The following SOX6 variants were observed in gnomAD, a reference collection of about 807,000 sequenced individuals.
SOX6 encodes the protein SRY-box transcription factor 6, also known as transcription factor SOX-6.
SOX6 carries 11 observed loss-of-function variants against 97.8 expected under a neutral mutation model. The observed-to-expected ratio is 0.11, with a 90% CI of 0.07 to 0.19. The LOEUF is 0.19. Among genes scored for constraint, SOX6 ranks in the 10% least tolerant of loss-of-function variants. The probability of loss-of-function intolerance (pLI) is 1.00; values close to 1 mark genes in which losing one functional copy is unlikely to be tolerated. For synonymous variants in SOX6, 360 were observed against 371.4 expected (o/e 0.97, Z 0.35); for missense variants, 810 against 1,039.5 (o/e 0.78, Z 3.04).
intron 1 of SOX6, among the ~76,000 whole-genome samples, chr11:16,449,341 G>A (rs567432912): frequency 1.3e-4 from 17 of 131,396 alleles, no homozygotes; most frequent in African/African-American, 4.4e-4. Flanking sequence ...CGCCCAGGCT[G>A]GAGTGCAGTG....
At position 16,495,039 on chromosome 11, in the gene SOX6, G is replaced by C. The variant is rs189165501; in HGVS notation, n.610-18651C>G. On this transcript the variant is annotated intron_variant and non_coding_transcript_variant, in intron 4 of 5. Transcript: ENST00000524520. Reference sequence around the variant, plus strand: ...CAGCCCCTGCATCTCCACATCCCTGGATCCCCATTGACACCCTCCACCTGC... The same window carrying C: ...CAGCCCCTGCATCTCCACATCCCTGCATCCCCATTGACACCCTCCACCTGC... Among the ~76,000 whole-genome samples, 280 of 152,122 alleles carry C rather than the reference G, an allele frequency of 1.8e-3. 1 individual carries two copies. Among genetic ancestry groups the C allele is most frequent in the Non-Finnish European group, 3.1e-3 (209 of 67,984 alleles).
chr11:16,454,994 T>C (rs1859787251), intron 1 of SOX6, among the ~76,000 whole-genome samples: 1 of 152,072 alleles, frequency 6.6e-6, no homozygotes, highest in African/African-American at 2.4e-5. Context: ...TTAGAAATTT[T>C]TACTTACGGG....
At chr11:16,553,085 A>G (rs191040753) in intron 4 of SOX6, among the ~76,000 whole-genome samples, 1 of 152,326 alleles carries the variant, frequency 6.6e-6, no homozygotes, top group Admixed American at 6.5e-5. Flanking sequence ...TTTAAACCCA[A>G]GAATTTATCA....
chr11:16,621,754 A>G (rs1485147799), intron 3 of SOX6, among the ~76,000 whole-genome samples: 1 of 152,188 alleles, frequency 6.6e-6, no homozygotes, highest in Non-Finnish European at 1.5e-5. Context: ...ATTCTAAGTC[A>G]TTCCTATCTC....
intron 3 of SOX6, among the ~76,000 whole-genome samples, chr11:16,651,830 C>T (rs192845516): frequency 6.6e-6 from 1 of 152,232 alleles, no homozygotes; most frequent in East Asian, 1.9e-4. Context: ...GAGGAAGTCA[C>T]ACTGTCACTG....
chr11:16,351,349 A>G (rs1419936546), intron 1 of SOX6, among the ~76,000 whole-genome samples: 1 of 152,052 alleles, frequency 6.6e-6, no homozygotes, highest in African/African-American at 2.4e-5. Context: ...AATGTTTCTT[A>G]TGCTCATCTC....
At chr11:16,204,956 T>TA (rs150449058) in intron 4 of SOX6, among the ~76,000 whole-genome samples, 8,861 of 151,570 alleles carry the variant, frequency 0.058, 651 homozygotes, top group East Asian at 0.37. Context: ...TTCCTCTTTT[T>TA]AAAAAAAAAT....
intron 2 of SOX6, among the ~76,000 whole-genome samples, chr11:16,722,636 G>C (rs1479109942): frequency 6.6e-6 from 1 of 151,776 alleles, no homozygotes; most frequent in Non-Finnish European, 1.5e-5. Context: ...GGGCAACAAA[G>C]TGAAACTCTG....
chr11:16,035,709 A>G (rs80244557), intron 12 of SOX6, among the ~76,000 whole-genome samples: 1,611 of 152,328 alleles, frequency 0.011, 26 homozygotes, highest in African/African-American at 0.037. Context: ...AGGCATGTCT[A>G]GGAAATGTAA....
chr11:16,229,664 G>C lies in SOX6; in HGVS notation c.535+4918C>G, dbSNP rs369443448. Among the ~76,000 whole-genome samples, 88 of 151,900 alleles carry C rather than the reference G, an allele frequency of 5.8e-4. 2 individuals carry two copies. The South Asian group carries it at 0.017, about 30-fold the overall frequency. ...TCAATGAGATTTGAAAATCTCATGA[G>C]ATATACAATTCTGTAAGAGTTTTCT... On this transcript the variant is annotated intron_variant, in intron 4 of 15. Coordinates refer to ENST00000683767, the MANE Select transcript of SOX6 (RefSeq NM_001367873.1).
intron 3 of SOX6, among the ~76,000 whole-genome samples, chr11:16,694,413 T>C (rs1053828482): frequency 2.0e-5 from 3 of 152,008 alleles, no homozygotes; most frequent in Non-Finnish European, 4.4e-5. Flanking sequence ...GCCCCAGCTA[T>C]TCAGGAGGCT....
intron 4 of SOX6, among the ~76,000 whole-genome samples, chr11:16,502,735 C>T (rs2133144634): frequency 6.6e-6 from 1 of 152,048 alleles, no homozygotes; most frequent in South Asian, 2.1e-4. Flanking sequence ...ATAAAGTGAC[C>T]TAATATTCAA....
chr11:16,000,967 C>T (rs1279097156), intron 13 of SOX6, among the ~76,000 whole-genome samples: 1 of 152,112 alleles, frequency 6.6e-6, no homozygotes, highest in African/African-American at 2.4e-5. Context: ...AGCGATTCTC[C>T]TGCCTCAGCC....
intron 9 of SOX6, among the ~76,000 whole-genome samples, chr11:16,086,387 C>A (rs539586832): frequency 5.9e-5 from 9 of 152,170 alleles, no homozygotes; most frequent in Admixed American, 2.0e-4. Flanking sequence ...GTGCACTAAT[C>A]GCTTAAAGAG....
At position 16,637,873 on chromosome 11, in the gene SOX6, G is replaced by GT. The variant is rs1848815365; in HGVS notation, n.430-25614dup. The stretch of plus-strand genomic sequence containing the variant: ...ATAGGCAAGGCCTGGAAGGAAAAAT[G>GT]TTTTTTCCATTCACATTTTTTTGGA... On this transcript the variant is annotated intron_variant and non_coding_transcript_variant, in intron 3 of 5. Transcript: ENST00000524520. 2.0e-5 allele frequency among the ~76,000 whole-genome samples: 3 copies of GT among 149,738 alleles called. 1 individual carries two copies. Among genetic ancestry groups the GT allele is most frequent in the Non-Finnish European group, 4.4e-5 (3 of 67,424 alleles).
At chr11:16,019,457 A>T (rs1290872308) in intron 12 of SOX6, among the ~76,000 whole-genome samples, 3 of 152,110 alleles carry the variant, frequency 2.0e-5, no homozygotes, top group Non-Finnish European at 4.4e-5. Context: ...CATAGCTAAT[A>T]CAGGTAAAAA....
chr11:16,190,278 A>C (rs1266436669), intron 4 of SOX6, among the ~76,000 whole-genome samples: 1 of 152,240 alleles, frequency 6.6e-6, no homozygotes, highest in Non-Finnish European at 1.5e-5. Context: ...TTAAACACTC[A>C]TATAAGGCTG....
At chr11:16,170,508 T>C (rs914133529) in intron 6 of SOX6, among the ~76,000 whole-genome samples, 18 of 152,018 alleles carry the variant, frequency 1.2e-4, no homozygotes, top group African/African-American at 4.1e-4. Context: ...TCCCACATTT[T>C]ATGGTTAATA....
At chr11:16,722,267 A>C (rs1848272937) in intron 2 of SOX6, among the ~76,000 whole-genome samples, 2 of 152,234 alleles carry the variant, frequency 1.3e-5, no homozygotes, top group Admixed American at 1.3e-4. Flanking sequence ...TTTGCAAACT[A>C]TGCATCTGAC....
Sources: allele counts gnomAD v4.1 joint callset (sites outside exome capture counted in the v4.1 genomes callset), GRCh38; gene constraint gnomAD v4.1.1; transcripts MANE v1.5; gene names NCBI Gene and HGNC (gene_info 2026-07-23, HGNC 2026-07-21).